The following ITGA1 variants were observed in gnomAD, a reference collection of about 807,000 sequenced individuals.
ITGA1 encodes integrin alpha-1.
A neutral mutation model predicts 145.9 loss-of-function variants in ITGA1; 85 were observed. That is an observed-to-expected ratio of 0.58 (90% CI 0.49 to 0.70). ITGA1 has a LOEUF of 0.70. Among genes scored for constraint, ITGA1 ranks in the 30% least tolerant of loss-of-function variants. The probability of loss-of-function intolerance (pLI) is 0.00; values close to 1 mark genes in which losing one functional copy is unlikely to be tolerated. For synonymous variants in ITGA1, 520 were observed against 495.3 expected, an observed-to-expected ratio of 1.05 and a Z score of -0.66; for missense variants, 1,351 against 1,418.7, an observed-to-expected ratio of 0.95 and a Z score of 0.77.
At chr5:52,884,863 C>T (rs993252215) in intron 7 of ITGA1, among the ~76,000 whole-genome samples, 1 of 152,202 alleles carries the variant, frequency 6.6e-6, no homozygotes, top group African/African-American at 2.4e-5. Flanking sequence ...TCAGTTCTGA[C>T]ACCAACTAGA....
intron 8 of ITGA1, among the ~76,000 whole-genome samples, chr5:52,888,571 T>A (rs1750091730): frequency 6.6e-6 from 1 of 152,234 alleles, no homozygotes; most frequent in Non-Finnish European, 1.5e-5. Flanking sequence ...TGAATTTTTG[T>A]TTTCTGATGC....
In ITGA1 at chr5:52,821,886, C is replaced by T. The variant is rs541747111; in HGVS notation, c.62-27479C>T. ...TGTTTTAGCTAAAAAGGTGTATGGA[C>T]TTTGAGTTGACTGCCCCAACTCTGT... On this transcript the variant is annotated intron_variant, in intron 1 of 28. Transcript: ENST00000282588. Among the ~76,000 whole-genome samples, 4 of 152,246 alleles carry T rather than the reference C, an allele frequency of 2.6e-5. No homozygotes were observed. The South Asian group carries it at 8.3e-4, about 32-fold the overall frequency.
At chr5:52,932,258 GC>G in intron 22 of ITGA1, 122 bp downstream of exon 22, 1 of 619,194 alleles carries the variant, frequency 1.6e-6, no homozygotes, top group Non-Finnish European at 2.9e-6. Flanking sequence ...AAATTCTCTG[GC>G]CCCACCAGAA....
intron 1 of ITGA1, among the ~76,000 whole-genome samples, chr5:52,832,787 G>GTGTC (rs1554042278): frequency 1.5e-5 from 1 of 66,536 alleles, no homozygotes; most frequent in African/African-American, 4.3e-5. Context: ...GTGTGTGTGT[G>GTGTC]TGTGTGTGTG....
chr5:52,804,155 A>G (rs1451665433), intron 1 of ITGA1: 2 of 152,210 alleles, frequency 1.3e-5, no homozygotes, highest in African/African-American at 4.8e-5. Flanking sequence ...TCTAGAAGAC[A>G]TAATTATCTC....
chr5:52,801,348 G>T, intron 1 of ITGA1: 2 of 1,415,906 alleles, frequency 1.4e-6, no homozygotes, highest in Non-Finnish European at 1.9e-6. Context: ...AAGCCTTTGT[G>T]AGCTGATTAA....
At chr5:52,909,618 C>T (rs1379813046) in intron 13 of ITGA1, among the ~76,000 whole-genome samples, 4 of 152,122 alleles carry the variant, frequency 2.6e-5, no homozygotes, top group African/African-American at 7.2e-5. Flanking sequence ...TACATTCTCT[C>T]CTAAATTGAT....
rs183448354 is a variant in ITGA1, at chr5:52,891,658, A to C, written c.925-2017A>C. Among the ~76,000 whole-genome samples, 926 of 142,380 alleles carry C rather than the reference A, an allele frequency of 6.5e-3. 8 individuals carry two copies. Among genetic ancestry groups the C allele is most frequent in the African/African-American group, 0.022 (864 of 39,690 alleles). 93.4% of individuals were successfully genotyped at this position (142,380 alleles called of 152,430 possible). On this transcript the variant is annotated intron_variant, in intron 8 of 28. Transcript: ENST00000282588. Reference sequence around the variant, plus strand: ...TTTATTACAGAAGTGATTTTTTATTATAAAGTTTTAAAAAAAATATTGAAG... The same window carrying C: ...TTTATTACAGAAGTGATTTTTTATTCTAAAGTTTTAAAAAAAATATTGAAG...
chr5:52,833,986 A>G (rs1749116125), intron 1 of ITGA1, among the ~76,000 whole-genome samples: 1 of 152,226 alleles, frequency 6.6e-6, no homozygotes, highest in Non-Finnish European at 1.5e-5. Context: ...TCATTCAACA[A>G]ATTTTATTAA....
chr5:52,800,915 A>G (rs751570929), intron 1 of ITGA1: 3 of 1,613,924 alleles, frequency 1.9e-6, no homozygotes, highest in Non-Finnish European at 2.5e-6. Flanking sequence ...AGGAAAGGCA[A>G]TTGCTCTCAG....
Position 52,925,153 on chromosome 5 carries a change from G to A in ITGA1, c.2404-125G>A. The A allele has an allele frequency of 6.0e-6, 4 of 665,288 alleles. No individual in the cohort carries two copies. In the South Asian group the frequency reaches 7.4e-5, roughly 12 times the overall value. The allele number at this position is 665,288 out of a possible 1,614,324, so 41.2% of individuals were successfully genotyped here. On this transcript the variant is annotated intron_variant, in intron 18 of 28. Transcript: ENST00000282588. Reference sequence around the variant, plus strand: ...TAAAATCCCTTAAGATTTTTGCAGGGAAATTCTCCTTATGAGTTGCTTAAC... The same window carrying A: ...TAAAATCCCTTAAGATTTTTGCAGGAAAATTCTCCTTATGAGTTGCTTAAC...
intron 6 of ITGA1, 60 bp downstream of exon 6, chr5:52,865,877 A>C (rs1425739198): frequency 1.5e-6 from 2 of 1,343,710 alleles, no homozygotes; most frequent in Non-Finnish European, 2.0e-6. Flanking sequence ...CAAATTTTTA[A>C]TAAAACCAAA....
intron 1 of ITGA1, among the ~76,000 whole-genome samples, chr5:52,790,138 T>A (rs1748210598): frequency 6.6e-6 from 1 of 152,208 alleles, no homozygotes; most frequent in Non-Finnish European, 1.5e-5. Context: ...TGGGGACTCA[T>A]CACCATACTT....
At chr5:52,845,915 A>T (rs1749326738) in intron 1 of ITGA1, among the ~76,000 whole-genome samples, 2 of 152,234 alleles carry the variant, frequency 1.3e-5, no homozygotes, top group South Asian at 4.1e-4. Context: ...TACTACAGTC[A>T]TGCATCACCT....
At chr5:52,936,639 C>G (rs567300827) in intron 23 of ITGA1, among the ~76,000 whole-genome samples, 1 of 152,278 alleles carries the variant, frequency 6.6e-6, no homozygotes, top group South Asian at 2.1e-4. Context: ...TCAGTTGTAC[C>G]TTTTAAGCAG....
chr5:52,838,359 G>A (rs891344635), intron 1 of ITGA1, among the ~76,000 whole-genome samples: 1 of 152,118 alleles, frequency 6.6e-6, no homozygotes, highest in African/African-American at 2.4e-5. Context: ...AAGCTACTAG[G>A]TGACTCTAGG....
chr5:52,845,386 T>C (rs1749316718), intron 1 of ITGA1, among the ~76,000 whole-genome samples: 1 of 152,182 alleles, frequency 6.6e-6, no homozygotes, highest in Non-Finnish European at 1.5e-5. Flanking sequence ...AGCTGTGCTT[T>C]CCAAACCTTA....
chr5:52,832,765 C>CTGTGTGTGTGTGTGTG (rs33977926), intron 1 of ITGA1, among the ~76,000 whole-genome samples: 2 of 86,752 alleles, frequency 2.3e-5, no homozygotes, highest in Non-Finnish European at 4.9e-5. Context: ...ATATATAAAT[C>CTGTGTGTGTGTGTGTG]TGTGTGTGTG....
At chr5:52,952,372 A>T in intron 28 of ITGA1, 35 bp from the exon 29 acceptor site, 1 of 1,236,132 alleles carries the variant, frequency 8.1e-7, no homozygotes, top group East Asian at 2.7e-5. Flanking sequence ...AAATTAAAAT[A>T]GTTAATTGTG....
Sources: gnomAD v4.1 joint callset for allele counts (sites outside exome capture counted in the v4.1 genomes callset) on GRCh38, gnomAD v4.1.1 for gene constraint, MANE v1.5 for transcripts, NCBI Gene and HGNC (gene_info 2026-07-23, HGNC 2026-07-21) for gene names.